The following CAND2 variants were observed in gnomAD, a reference collection of about 807,000 sequenced individuals.
CAND2 encodes cullin associated and neddylation dissociated 2 (putative).
Under a neutral mutation model 98.9 loss-of-function variants are expected in CAND2, and 62 were observed. The ratio of observed to expected loss-of-function variants is 0.63; its 90% confidence interval spans 0.51 to 0.77. The LOEUF (loss-of-function observed/expected upper bound fraction) is 0.77, where lower values mean the gene tolerates loss of function less well. Ranked by LOEUF, CAND2 falls within the 30% of genes least tolerant of loss-of-function variation. CAND2 has a pLI of 0.00. For missense variants in CAND2, 1,501 were observed against 1,655.2 expected, an observed-to-expected ratio of 0.91 and a Z score of 1.62; for synonymous variants, 770 against 731.9, an observed-to-expected ratio of 1.05 and a Z score of -0.84.
intron 1 of CAND2, among the ~76,000 whole-genome samples, chr3:12,801,484 G>T (rs1184035065): frequency 1.3e-5 from 2 of 152,210 alleles, no homozygotes; most frequent in Non-Finnish European, 2.9e-5. Flanking sequence ...GGCGGGAATG[G>T]TGCCCAATTC....
intron 1 of CAND2, among the ~76,000 whole-genome samples, chr3:12,800,920 C>T (rs1575762117): frequency 6.6e-6 from 1 of 151,842 alleles, no homozygotes; most frequent in South Asian, 2.1e-4. Flanking sequence ...ATGGGGTTTC[C>T]CCCTGTTGGC....
chr3:12,817,440 C>A lies in CAND2; in HGVS notation c.2508C>A (p.Ser836Arg). Residue 836 changes from serine to arginine, a missense_variant, in exon 10 of 15, where the codon AGC becomes AGA. Around this residue, in one of 3 missense-constraint regions of CAND2, gnomAD observed 1,427 missense variants for 1,545.3 expected, o/e 0.92. Transcript: ENST00000456430. ...GCGATGCCAGGTCGCCCCACTCCAG[C>A]ACGGGGGTCAAGGTCCTGGCATTCT... ...LVCDARSPHSSTGVKVLAFLS... is the reference protein window; with the variant it reads ...LVCDARSPHSRTGVKVLAFLS... 1 of 1,613,698 alleles carries A rather than the reference C, an allele frequency of 6.2e-7. No individual in the cohort carries two copies. The highest frequency in any genetic ancestry group is 8.5e-7 in the Non-Finnish European group (1 of 1,180,006).
Position 12,824,595 on chromosome 3 carries a change from G to C in CAND2, c.3041-875G>C, listed in dbSNP as rs141986854. Among the ~76,000 whole-genome samples, 332 of 152,232 alleles carry C rather than the reference G, an allele frequency of 2.2e-3. 1 individual carries two copies. Among genetic ancestry groups the C allele is most frequent in the Middle Eastern group, 3.4e-3 (1 of 294 alleles). ...GCAATTAAGTTTCAACATGAGTTTT[G>C]GTGGGGACATTCAAATCATAGCACT... On this transcript the variant is annotated intron_variant, in intron 11 of 14. Coordinates refer to ENST00000456430, the MANE Select transcript of CAND2 (RefSeq NM_001162499.2).
Position 12,809,861 on chromosome 3 carries a change from T to A in CAND2, c.492-198T>A, listed in dbSNP as rs538495434. Reference sequence around the variant, plus strand: ...GGCTTTGCACTGCTGAGAAGTCCCTTTCTCTCTCCGCTTTCTCTCATGTAA... The same window carrying A: ...GGCTTTGCACTGCTGAGAAGTCCCTATCTCTCTCCGCTTTCTCTCATGTAA... On this transcript the variant is annotated intron_variant, in intron 4 of 14. Coordinates refer to ENST00000456430, the MANE Select transcript of CAND2 (RefSeq NM_001162499.2). 4.9e-6 allele frequency: 3 copies of A among 613,250 alleles called. No homozygotes were observed. In the East Asian group the frequency reaches 1.0e-4, roughly 21 times the overall value. The allele number at this position is 613,250 out of a possible 1,614,324, so 38.0% of individuals were successfully genotyped here.
At chr3:12,827,205 G>A (rs2124870959) in intron 12 of CAND2, among the ~76,000 whole-genome samples, 1 of 152,308 alleles carries the variant, frequency 6.6e-6, no homozygotes, top group Middle Eastern at 3.4e-3. Flanking sequence ...CACAGTGCCT[G>A]CCACTCAGAC....
At chr3:12,804,898 G>A (rs114466542) in intron 2 of CAND2, among the ~76,000 whole-genome samples, 1,995 of 152,270 alleles carry the variant, frequency 0.013, 11 homozygotes, top group Non-Finnish European at 0.015. Flanking sequence ...AAGGTGACAT[G>A]GACAAGTTTA....
In CAND2 at chr3:12,811,303, T is replaced by TC. The variant is rs141383541; in HGVS notation, c.757+980dup. 7.7e-3 allele frequency among the ~76,000 whole-genome samples: 1,170 copies of TC among 151,964 alleles called. 7 individuals are homozygous for TC. Among genetic ancestry groups the TC allele is most frequent in the Non-Finnish European group, 0.012 (797 of 67,938 alleles). Reference sequence around the variant, plus strand: ...CCCCAGATACCCAGACAGAATGGAGTCTAGGAGTGTTGGGGGTCTCTAGGT... The same window carrying TC: ...CCCCAGATACCCAGACAGAATGGAGTCCTAGGAGTGTTGGGGGTCTCTAGGT... On this transcript the variant is annotated intron_variant, in intron 5 of 14. Coordinates refer to ENST00000456430, the MANE Select transcript of CAND2 (RefSeq NM_001162499.2).
chr3:12,816,298 AC>A, intron 9 of CAND2, 75 bp from the exon 10 acceptor site: 1 of 1,417,812 alleles, frequency 7.1e-7, no homozygotes, highest in Non-Finnish European at 9.7e-7. Flanking sequence ...ACTTGTAGGT[AC>A]CCCAGCCTTG....
intron 4 of CAND2, among the ~76,000 whole-genome samples, chr3:12,809,326 C>T (rs1002683866): frequency 2.0e-5 from 3 of 152,136 alleles, no homozygotes; most frequent in African/African-American, 7.2e-5. Context: ...GGGCAGCTCC[C>T]AGGATCAGTC....
At chr3:12,825,222 G>A (rs2061989592) in intron 11 of CAND2, among the ~76,000 whole-genome samples, 1 of 151,632 alleles carries the variant, frequency 6.6e-6, no homozygotes. Flanking sequence ...TGAGGACATT[G>A]AGGCTCTCCA....
At chr3:12,825,679 G>A in intron 12 of CAND2, 40 bp downstream of exon 12, 1 of 1,485,446 alleles carries the variant, frequency 6.7e-7, no homozygotes, top group Non-Finnish European at 9.2e-7. Flanking sequence ...AGCTGGGGGT[G>A]ATGCCACCTC....
At chr3:12,826,870 ACC>A (rs1432867133) in intron 12 of CAND2, among the ~76,000 whole-genome samples, 5 of 139,982 alleles carry the variant, frequency 3.6e-5, no homozygotes, top group African/African-American at 1.1e-4. Flanking sequence ...TCGCTCTGTC[ACC>A]CAGGCTGGAG....
At chr3:12,808,103 C>T (rs756280706) in intron 3 of CAND2, 107 bp from the exon 4 acceptor site, 45 of 1,407,318 alleles carry the variant, frequency 3.2e-5, no homozygotes, top group Admixed American at 6.3e-5. Context: ...GTAAGATTCC[C>T]GGGGATGTGG....
intron 1 of CAND2, among the ~76,000 whole-genome samples, chr3:12,802,613 G>A (rs3889515): frequency 6.6e-6 from 1 of 152,224 alleles, no homozygotes; most frequent in Non-Finnish European, 1.5e-5. Flanking sequence ...CTGAGCCGTT[G>A]CTAGTCTGCC....
chr3:12,823,478 C>A (rs1338330404), intron 11 of CAND2, among the ~76,000 whole-genome samples: 6 of 152,062 alleles, frequency 3.9e-5, no homozygotes, highest in Non-Finnish European at 8.8e-5. Context: ...CCTGTAATCC[C>A]AGCACTTTGG....
chr3:12,813,678 G>A (rs571442817), intron 7 of CAND2, among the ~76,000 whole-genome samples: 27 of 152,336 alleles, frequency 1.8e-4, no homozygotes, highest in Admixed American at 1.3e-3. Flanking sequence ...AGTGGCCTGA[G>A]ATAACACAAC....
chr3:12,822,946 CTTCT>C (rs2061968879), intron 11 of CAND2, among the ~76,000 whole-genome samples: 2 of 150,548 alleles, frequency 1.3e-5, no homozygotes, highest in African/African-American at 4.8e-5. Flanking sequence ...CTCCCTCTCT[CTTCT>C]TTCTCTTCTA....
rs139572691 is a variant in CAND2, at chr3:12,825,511, C to T, written c.3082C>T (p.Arg1028Cys). ...CCTGCAGGACCCAGACCTGAACGTG[C>T]GCCGTGCGACTCTGGCTTTCTTCAA... ...ESLQDPDLNVRRATLAFFNSA... is the reference protein window; with the variant it reads ...ESLQDPDLNVCRATLAFFNSA... The change falls in exon 12 of 15, where the codon CGC (arginine) becomes TGC (cysteine). Residue 1028 changes from arginine to cysteine, a missense_variant. Arg to Cys is a radical substitution (Grantham distance 180). Around this residue, in one of 3 missense-constraint regions of CAND2, gnomAD observed 1,427 missense variants for 1,545.3 expected, o/e 0.92. Transcript: ENST00000456430. 2,723 of 1,580,888 alleles carry T rather than the reference C, an allele frequency of 1.7e-3. 30 individuals carry two copies. The Admixed American group carries it at 0.031, about 18-fold the overall frequency.
chr3:12,819,293 A>G (rs750586467), intron 10 of CAND2, among the ~76,000 whole-genome samples: 1 of 152,226 alleles, frequency 6.6e-6, no homozygotes, highest in Non-Finnish European at 1.5e-5. Context: ...ACCAAATGGT[A>G]AACTTTTCCT....
Sources: gnomAD v4.1 joint callset for allele counts (sites outside exome capture counted in the v4.1 genomes callset) on GRCh38, gnomAD v4.1.1 for gene constraint, gnomAD v4.1.1 regional missense constraint, MANE v1.5 for transcripts, NCBI Gene and HGNC (gene_info 2026-07-23, HGNC 2026-07-21) for gene names.